CDC42SE2: variants seen among roughly 807,000 people sequenced by gnomAD.
CDC42SE2 encodes CDC42 small effector protein 2.
Under a neutral mutation model 11.5 loss-of-function variants are expected in CDC42SE2, and 3 were observed. That is an observed-to-expected ratio of 0.26 (90% CI 0.12 to 0.67). CDC42SE2 has a LOEUF of 0.67. Among genes scored for constraint, CDC42SE2 ranks in the 30% least tolerant of loss-of-function variants. CDC42SE2 has a pLI of 0.80. For synonymous variants in CDC42SE2, 33 were observed against 34.8 expected, an observed-to-expected ratio of 0.95 and a Z score of 0.18; for missense variants, 82 against 106.8, an observed-to-expected ratio of 0.77 and a Z score of 1.02.
chr5:131,257,773 C>T (rs375538248), intron 2 of CDC42SE2, among the ~76,000 whole-genome samples: 12 of 152,056 alleles, frequency 7.9e-5, no homozygotes, highest in East Asian at 7.7e-4. Flanking sequence ...CCACCGCGCT[C>T]GGCCCCACCT....
At chr5:131,347,194 T>C (rs1326343222) in intron 2 of CDC42SE2, among the ~76,000 whole-genome samples, 1 of 152,056 alleles carries the variant, frequency 6.6e-6, no homozygotes, top group Non-Finnish European at 1.5e-5. Context: ...CTTCAAAAAA[T>C]CAATGAATCC....
intron 1 of CDC42SE2, among the ~76,000 whole-genome samples, chr5:131,246,177 T>C (rs1756579930): frequency 6.6e-6 from 1 of 152,186 alleles, no homozygotes; most frequent in Non-Finnish European, 1.5e-5. Flanking sequence ...AAAATCAGGC[T>C]GGGTGTGGTG....
intron 2 of CDC42SE2, among the ~76,000 whole-genome samples, chr5:131,357,340 C>T (rs1282685907): frequency 6.6e-6 from 1 of 152,160 alleles, no homozygotes; most frequent in Non-Finnish European, 1.5e-5. Context: ...GAATCAGGGT[C>T]CTGAATTCAT....
the CDC42SE2 span, among the ~76,000 whole-genome samples, chr5:131,220,363 G>A: frequency 6.6e-6 from 1 of 151,840 alleles, no homozygotes; most frequent in Admixed American, 6.6e-5. Flanking sequence ...CTGCCACCAG[G>A]CCCGGCTAAT....
At position 131,251,961 on chromosome 5, in the gene CDC42SE2, G is replaced by A. The variant is rs147137601; in HGVS notation, n.108-3134G>A. 1.7e-3 allele frequency among the ~76,000 whole-genome samples: 261 copies of A among 152,134 alleles called. 3 individuals are homozygous for A. Among genetic ancestry groups the A allele is most frequent in the African/African-American group, 6.0e-3 (248 of 41,504 alleles). ...GCCTAGGAGGTCAAGGCTGAAGTGA[G>A]CCATGATTGTGCCACTGCACTACAG... On this transcript the variant is annotated intron_variant and non_coding_transcript_variant, in intron 1 of 3. Transcript: ENST00000502840.
At chr5:131,248,970 A>G (rs1756618148) in intron 1 of CDC42SE2, among the ~76,000 whole-genome samples, 1 of 150,444 alleles carries the variant, frequency 6.6e-6, no homozygotes, top group East Asian at 1.9e-4. Flanking sequence ...TCTAAAATAT[A>G]TATATTGAAG....
Position 131,376,678 on chromosome 5 carries a change from A to G in CDC42SE2, c.55-8865A>G, listed in dbSNP as rs80333478. Among the ~76,000 whole-genome samples the G allele has an allele frequency of 2.6e-4, 39 of 152,102 alleles. No individual in the cohort carries two copies. The East Asian group carries it at 6.6e-3, about 26-fold the overall frequency. The stretch of plus-strand genomic sequence containing the variant: ...CCTCTACTCTCAGATGGGTCCTGGT[A>G]TCTGTTGTTGCCTTCTTTGTGACCA... On this transcript the variant is annotated intron_variant, in intron 3 of 4. Transcript: ENST00000505065.
upstream of CDC42SE2, among the ~76,000 whole-genome samples, chr5:131,259,614 T>C (rs189910773): frequency 1.5e-3 from 222 of 152,362 alleles, no homozygotes; most frequent in Middle Eastern, 0.014. Context: ...GTTTCTTCTC[T>C]TGTATCCCAA....
At chr5:131,360,671 G>A (rs141749583) in intron 3 of CDC42SE2, among the ~76,000 whole-genome samples, 164 of 152,264 alleles carry the variant, frequency 1.1e-3, no homozygotes, top group African/African-American at 3.6e-3. Context: ...GGAGAGTGTA[G>A]GTATACATGA....
At chr5:131,287,602 A>G (rs534979400) in intron 1 of CDC42SE2, among the ~76,000 whole-genome samples, 3 of 151,686 alleles carry the variant, frequency 2.0e-5, no homozygotes, top group African/African-American at 4.8e-5. Flanking sequence ...CGGTGGGACT[A>G]TAGGTGTGTG....
At chr5:131,250,766 C>T (rs928301627) in intron 1 of CDC42SE2, among the ~76,000 whole-genome samples, 2 of 152,102 alleles carry the variant, frequency 1.3e-5, no homozygotes, top group Admixed American at 1.3e-4. Flanking sequence ...TTGGGCCAGG[C>T]GTGGTGGCTC....
At chr5:131,367,133 A>G (rs1000830752) in intron 3 of CDC42SE2, among the ~76,000 whole-genome samples, 1 of 151,566 alleles carries the variant, frequency 6.6e-6, no homozygotes, top group African/African-American at 2.4e-5. Context: ...TCATATACAT[A>G]TGTGTGTATA....
intron 2 of CDC42SE2, 22 bp from the exon 3 acceptor site, chr5:131,359,187 A>G (rs1749638481): frequency 1.6e-5 from 4 of 248,924 alleles, no homozygotes; most frequent in South Asian, 1.6e-4. Flanking sequence ...ACTTTTTTTT[A>G]CTTTTTCTTT....
intron 2 of CDC42SE2, among the ~76,000 whole-genome samples, chr5:131,347,748 C>G (rs1758885441): frequency 6.6e-6 from 1 of 152,182 alleles, no homozygotes; most frequent in East Asian, 1.9e-4. Flanking sequence ...CAAAAATCCT[C>G]AATAAAATAC....
At chr5:131,280,027 A>G (rs1262013411) in intron 1 of CDC42SE2, among the ~76,000 whole-genome samples, 1 of 152,214 alleles carries the variant, frequency 6.6e-6, no homozygotes, top group Non-Finnish European at 1.5e-5. Flanking sequence ...AGCTCACACC[A>G]CTGCACTCCA....
the CDC42SE2 span, among the ~76,000 whole-genome samples, chr5:131,237,432 C>G: frequency 1.3e-5 from 2 of 152,066 alleles, no homozygotes; most frequent in African/African-American, 2.4e-5. Flanking sequence ...TCTGGGTTGC[C>G]TTTCTGATTT....
chr5:131,363,436 G>A (rs1425517250), intron 3 of CDC42SE2, among the ~76,000 whole-genome samples: 2 of 152,072 alleles, frequency 1.3e-5, no homozygotes, highest in Non-Finnish European at 2.9e-5. Context: ...GAGTGCAATG[G>A]TGCGATCTTG....
In CDC42SE2 at chr5:131,393,630, G is replaced by A. The variant is rs971869720; in HGVS notation, c.*2539G>A. 10 of 152,306 alleles carry A rather than the reference G, an allele frequency of 6.6e-5. No homozygotes were observed. Among genetic ancestry groups the A allele is most frequent in the African/African-American group, 2.2e-4 (9 of 41,440 alleles). 9.4% of individuals were successfully genotyped at this position (152,306 alleles called of 1,614,324 possible). A position where few individuals can be genotyped will look rare whatever the true frequency, so the allele number is the denominator to read the frequency against. On this transcript the variant is annotated 3_prime_UTR_variant, in exon 5 of 5. Coordinates refer to ENST00000505065, the MANE Select transcript of CDC42SE2 (RefSeq NM_001375635.1). The stretch of plus-strand genomic sequence containing the variant: ...GGACATTGCTATGTGCTGTGTGCAA[G>A]CTCTTTAGAAGAGAGATTGGATTTT...
At position 131,368,733 on chromosome 5, in the gene CDC42SE2, T is replaced by C. The variant is rs183614740; in HGVS notation, c.54+9186T>C. Among the ~76,000 whole-genome samples the C allele has an allele frequency of 2.3e-3, 354 of 152,318 alleles. 1 individual carries two copies. The highest frequency in any genetic ancestry group is 3.4e-3 in the Middle Eastern group (1 of 294). On this transcript the variant is annotated intron_variant, in intron 3 of 4. Coordinates refer to ENST00000505065, the MANE Select transcript of CDC42SE2 (RefSeq NM_001375635.1). Reference sequence around the variant, plus strand: ...TCAGCTTCAACAACTTTAATTCTTGTCTAATCTTCACCTCATTCCATCCAC... The same window carrying C: ...TCAGCTTCAACAACTTTAATTCTTGCCTAATCTTCACCTCATTCCATCCAC...
Sources: gnomAD v4.1 joint callset for allele counts (sites outside exome capture counted in the v4.1 genomes callset) on GRCh38, gnomAD v4.1.1 for gene constraint, MANE v1.5 for transcripts, NCBI Gene and HGNC (gene_info 2026-07-23, HGNC 2026-07-21) for gene names.